Variants in SPIRE1 observed in about 807,000 individuals in gnomAD.
SPIRE1 encodes protein spire homolog 1.
Under a neutral mutation model 94.1 loss-of-function variants are expected in SPIRE1, and 40 were observed. The ratio of observed to expected loss-of-function variants is 0.43; its 90% CI spans 0.33 to 0.55. SPIRE1 has a LOEUF of 0.55. SPIRE1 is among the 20% of genes least tolerant of loss of function. The pLI is 0.06. For synonymous variants in SPIRE1, 376 were observed against 371.7 expected, an observed-to-expected ratio of 1.01 and a Z score of -0.13; for missense variants, 838 against 975.2, an observed-to-expected ratio of 0.86 and a Z score of 1.87.
intron 2 of SPIRE1, among the ~76,000 whole-genome samples, chr18:12,582,679 A>G (rs2036286367): frequency 6.6e-6 from 1 of 152,212 alleles, no homozygotes; most frequent in Admixed American, 6.5e-5. Flanking sequence ...TCCAGGCTCC[A>G]TATCAGACCT....
At chr18:12,572,417 G>C (rs755145059) in intron 2 of SPIRE1, among the ~76,000 whole-genome samples, 3 of 151,886 alleles carry the variant, frequency 2.0e-5, no homozygotes, top group Admixed American at 1.3e-4. Context: ...TAGGATTACA[G>C]ACATGAGCCA....
rs2037398493 is a variant in SPIRE1 at position 12,619,370 on chromosome 18, T to C, written c.372+15692A>G. Among the ~76,000 whole-genome samples, 3 of 150,814 alleles carry C rather than the reference T, an allele frequency of 2.0e-5. No individual in the cohort carries two copies. In the East Asian group the frequency reaches 6.1e-4, roughly 31 times the overall value. ...AAAAATACAAAAAATTAGCCAGGCG[T>C]GGTGGCAGGCGCCTGTAATCCCAGC... On this transcript the variant is annotated intron_variant, in intron 2 of 16. Transcript: ENST00000409402.
intron 3 of SPIRE1, among the ~76,000 whole-genome samples, chr18:12,543,663 A>C (rs2035073867): frequency 6.6e-6 from 1 of 152,236 alleles, no homozygotes; most frequent in Non-Finnish European, 1.5e-5. Context: ...AGATTACTTG[A>C]AATAAAAGAC....
intron 1 of SPIRE1, among the ~76,000 whole-genome samples, chr18:12,640,422 A>G (rs9303774): frequency 0.29 from 43,466 of 152,038 alleles, 6,375 homozygotes; most frequent in Non-Finnish European, 0.33. Context: ...TACCTCTGCC[A>G]CCTTCATTTG....
chr18:12,659,799 G>C (rs2038658385), upstream of SPIRE1, among the ~76,000 whole-genome samples: 1 of 152,150 alleles, frequency 6.6e-6, no homozygotes, highest in Non-Finnish European at 1.5e-5. Context: ...AATCTCATTT[G>C]TAGCAATGCA....
At chr18:12,511,172 C>T (rs2034024734) in intron 5 of SPIRE1, among the ~76,000 whole-genome samples, 1 of 152,150 alleles carries the variant, frequency 6.6e-6, no homozygotes, top group Non-Finnish European at 1.5e-5. Flanking sequence ...GAAAACATAG[C>T]TTAAACTTTA....
chr18:12,554,888 T>C (rs2035455531), intron 2 of SPIRE1, among the ~76,000 whole-genome samples: 1 of 152,198 alleles, frequency 6.6e-6, no homozygotes, highest in Admixed American at 6.5e-5. Context: ...GTTTCATTTG[T>C]CTTATCCAAG....
chr18:12,622,317 G>T (rs2037494508), intron 2 of SPIRE1, among the ~76,000 whole-genome samples: 1 of 151,668 alleles, frequency 6.6e-6, no homozygotes, highest in Non-Finnish European at 1.5e-5. Flanking sequence ...TAAGAAAACA[G>T]CAGATGAACA....
intron 2 of SPIRE1, among the ~76,000 whole-genome samples, chr18:12,615,623 T>A (rs1259302302): frequency 6.6e-6 from 1 of 150,376 alleles, no homozygotes; most frequent in East Asian, 1.9e-4. Context: ...CATTAAAATA[T>A]AACATTATTA....
At chr18:12,659,137 C>T (rs1392744895), upstream of SPIRE1, among the ~76,000 whole-genome samples, 1 of 152,156 alleles carries the variant, frequency 6.6e-6, no homozygotes, top group Non-Finnish European at 1.5e-5. Flanking sequence ...TGTGTGAAAG[C>T]CCTACAGAGT....
chr18:12,624,734 C>T (rs1292155601), intron 2 of SPIRE1, among the ~76,000 whole-genome samples: 1 of 146,380 alleles, frequency 6.8e-6, no homozygotes, highest in African/African-American at 2.5e-5. Flanking sequence ...ATTTGGGAGG[C>T]TGAGACAGAA....
intron 12 of SPIRE1, among the ~76,000 whole-genome samples, chr18:12,458,397 G>T (rs1230598335): frequency 6.6e-6 from 1 of 151,576 alleles, no homozygotes; most frequent in African/African-American, 2.4e-5. Flanking sequence ...GGATCACGAG[G>T]TCAGGAGATG....
At chr18:12,627,729 AAT>A (rs779748800) in intron 2 of SPIRE1, among the ~76,000 whole-genome samples, 2 of 152,152 alleles carry the variant, frequency 1.3e-5, no homozygotes, top group Non-Finnish European at 2.9e-5. Context: ...TTGTTTCCTG[AAT>A]TTTTAACAAC....
chr18:12,659,805 A>G (rs1416664347), upstream of SPIRE1, among the ~76,000 whole-genome samples: 2 of 152,230 alleles, frequency 1.3e-5, no homozygotes, highest in Non-Finnish European at 2.9e-5. Context: ...ATTTGTAGCA[A>G]TGCAGTATCT....
intron 2 of SPIRE1, among the ~76,000 whole-genome samples, chr18:12,547,630 G>GTCTC (rs111991323): frequency 1.3e-5 from 2 of 150,992 alleles, no homozygotes; most frequent in African/African-American, 4.8e-5. Flanking sequence ...CTCTCTCTGT[G>GTCTC]TCTCTCTCTC....
intron 2 of SPIRE1, among the ~76,000 whole-genome samples, chr18:12,565,445 G>A (rs1461973397): frequency 6.6e-6 from 1 of 152,078 alleles, no homozygotes. Context: ...TGCAATCACA[G>A]CTCACTGCAA....
chr18:12,623,769 C>T (rs1005258146), intron 2 of SPIRE1, among the ~76,000 whole-genome samples: 2 of 152,096 alleles, frequency 1.3e-5, no homozygotes, highest in Non-Finnish European at 1.5e-5. Flanking sequence ...GCTGGGATTA[C>T]AGGCAACCAC....
intron 10 of SPIRE1, among the ~76,000 whole-genome samples, chr18:12,465,889 G>C (rs2032074896): frequency 1.3e-5 from 2 of 152,034 alleles, no homozygotes; most frequent in Admixed American, 6.6e-5. Context: ...TTTGAGATCA[G>C]CCTGGCCAGC....
At chr18:12,566,102 G>A (rs940489635) in intron 2 of SPIRE1, among the ~76,000 whole-genome samples, 9 of 151,424 alleles carry the variant, frequency 5.9e-5, no homozygotes, top group African/African-American at 1.7e-4. Context: ...TTGGGAGGCC[G>A]AGGCTGGCAG....
Sources: gnomAD v4.1 joint callset for allele counts (sites outside exome capture counted in the v4.1 genomes callset) on GRCh38, gnomAD v4.1.1 for gene constraint, MANE v1.5 for transcripts, NCBI Gene and HGNC (gene_info 2026-07-23, HGNC 2026-07-21) for gene names.